The following PLPPR1 variants were observed in gnomAD, a reference collection of about 807,000 sequenced individuals.
PLPPR1 encodes phospholipid phosphatase-related protein type 1.
In PLPPR1, 10 loss-of-function variants were observed where a neutral mutation model predicts 33.1. The ratio of observed to expected loss-of-function variants is 0.30; its 90% CI spans 0.19 to 0.51. PLPPR1 has a LOEUF of 0.51. Ranked by LOEUF, PLPPR1 falls within the 20% of genes least tolerant of loss-of-function variation. The pLI, the probability that PLPPR1 is intolerant of heterozygous loss-of-function variation, is 0.97. For missense variants in PLPPR1, 304 were observed against 408.1 expected (o/e 0.74, Z 2.20); for synonymous variants, 151 against 151.0 (o/e 1.00, Z 0.00).
chr9:101,111,513 T>C (rs1322988847), intron 1 of PLPPR1, among the ~76,000 whole-genome samples: 3 of 152,340 alleles, frequency 2.0e-5, no homozygotes, highest in East Asian at 1.9e-4. Flanking sequence ...ATTTGGGGGA[T>C]AGTATTTTCC....
chr9:101,090,611 T>C (rs1226950328), intron 1 of PLPPR1, among the ~76,000 whole-genome samples: 1 of 152,036 alleles, frequency 6.6e-6, no homozygotes, highest in Non-Finnish European at 1.5e-5. Context: ...TTAACTGCTA[T>C]AACCTCTTCA....
intron 2 of PLPPR1, among the ~76,000 whole-genome samples, chr9:101,186,421 T>C (rs756392914): frequency 4.0e-5 from 6 of 151,804 alleles, no homozygotes; most frequent in Non-Finnish European, 7.4e-5. Context: ...AACTGAAGGA[T>C]AGTCTCCACA....
At chr9:101,159,473 G>A (rs1048504263) in intron 1 of PLPPR1, among the ~76,000 whole-genome samples, 3 of 152,158 alleles carry the variant, frequency 2.0e-5, no homozygotes, top group Admixed American at 6.6e-5. Context: ...AAATATCAAA[G>A]AAATGATTGA....
At chr9:101,073,769 A>G (rs1057363913) in intron 1 of PLPPR1, among the ~76,000 whole-genome samples, 5 of 152,264 alleles carry the variant, frequency 3.3e-5, no homozygotes, top group African/African-American at 1.2e-4. Flanking sequence ...AGATCGATCT[A>G]TTTCACTTAC....
chr9:101,309,670 T>C (rs1272018937), intron 5 of PLPPR1, among the ~76,000 whole-genome samples: 2 of 152,178 alleles, frequency 1.3e-5, no homozygotes, highest in Non-Finnish European at 2.9e-5. Context: ...AGGATATTAG[T>C]TCTGGAATGT....
chr9:101,112,830 C>T (rs984152669), intron 1 of PLPPR1, among the ~76,000 whole-genome samples: 2 of 152,196 alleles, frequency 1.3e-5, no homozygotes, highest in Non-Finnish European at 2.9e-5. Context: ...GCAGCACTTG[C>T]TTGTTTGTTT....
At chr9:101,133,895 T>G (rs555139260) in intron 1 of PLPPR1, among the ~76,000 whole-genome samples, 1 of 152,338 alleles carries the variant, frequency 6.6e-6, no homozygotes, top group South Asian at 2.1e-4. Flanking sequence ...TTTGGCAAGT[T>G]GCTTAACCTT....
chr9:101,293,865 T>G (rs1376247387), intron 4 of PLPPR1, among the ~76,000 whole-genome samples: 1 of 150,986 alleles, frequency 6.6e-6, no homozygotes. Flanking sequence ...AGATCCAAAA[T>G]TGACACCCTA....
chr9:101,028,781 C>T lies in PLPPR1; in HGVS notation c.-367C>T, dbSNP rs887561203. On this transcript the variant is annotated 5_prime_UTR_variant, in exon 1 of 8. Coordinates refer to ENST00000374874, the MANE Select transcript of PLPPR1 (RefSeq NM_207299.2). ...AACAGGAGATCCTGAAACCTGGACCCTGTGCAAGCTGCAGCGCCAGGAGGA... is the reference window on the plus strand; with the variant it reads ...AACAGGAGATCCTGAAACCTGGACCTTGTGCAAGCTGCAGCGCCAGGAGGA... The T allele has an allele frequency of 2.9e-4, 44 of 152,392 alleles. No individual in the cohort carries two copies. The highest frequency in any genetic ancestry group is 1.0e-3 in the African/African-American group (42 of 41,582). The allele number at this position is 152,392 out of a possible 1,614,324, so 9.4% of individuals were successfully genotyped here.
intron 1 of PLPPR1, among the ~76,000 whole-genome samples, chr9:101,141,755 G>A (rs1403755511): frequency 6.6e-6 from 1 of 152,034 alleles, no homozygotes; most frequent in East Asian, 1.9e-4. Context: ...AACTGAGATT[G>A]GAAAACTGCA....
intron 4 of PLPPR1, among the ~76,000 whole-genome samples, chr9:101,303,543 C>T (rs532935681): frequency 5.3e-5 from 8 of 152,216 alleles, no homozygotes; most frequent in African/African-American, 1.4e-4. Flanking sequence ...TCAGGTGATC[C>T]GCCTGCCTCG....
intron 1 of PLPPR1, among the ~76,000 whole-genome samples, chr9:101,056,482 T>C (rs1413941693): frequency 6.6e-6 from 1 of 152,222 alleles, no homozygotes; most frequent in Non-Finnish European, 1.5e-5. Context: ...TGATGTAGGC[T>C]ATCACAGATT....
chr9:101,071,130 G>T (rs1830477966), intron 1 of PLPPR1, among the ~76,000 whole-genome samples: 2 of 152,116 alleles, frequency 1.3e-5, no homozygotes, highest in Non-Finnish European at 2.9e-5. Flanking sequence ...GGCCAGTTTG[G>T]TGACAATGTC....
chr9:101,120,504 T>C (rs888434393), intron 1 of PLPPR1, among the ~76,000 whole-genome samples: 1 of 152,256 alleles, frequency 6.6e-6, no homozygotes, highest in Non-Finnish European at 1.5e-5. Context: ...GGCATCTTTT[T>C]CAATGACTTA....
chr9:101,074,877 T>G (rs1830518387), intron 1 of PLPPR1, among the ~76,000 whole-genome samples: 1 of 152,174 alleles, frequency 6.6e-6, no homozygotes. Flanking sequence ...GAAGTGTCAT[T>G]AAAACAACCC....
chr9:101,301,003 A>G (rs1442579265), intron 4 of PLPPR1, among the ~76,000 whole-genome samples: 1 of 152,262 alleles, frequency 6.6e-6, no homozygotes, highest in Non-Finnish European at 1.5e-5. Flanking sequence ...TTCTTGAGAT[A>G]AAATCCTGTT....
intron 1 of PLPPR1, among the ~76,000 whole-genome samples, chr9:101,070,596 C>T (rs1830471686): frequency 6.6e-6 from 1 of 152,066 alleles, no homozygotes; most frequent in South Asian, 2.1e-4. Flanking sequence ...CCTCTGTCTG[C>T]CTGGTTCATA....
chr9:101,242,061 C>G (rs1249449010), intron 2 of PLPPR1, among the ~76,000 whole-genome samples: 1 of 151,962 alleles, frequency 6.6e-6, no homozygotes, highest in Non-Finnish European at 1.5e-5. Context: ...CAAAATGGTT[C>G]AGAAGTCATT....
At chr9:101,145,965 A>G (rs901990644) in intron 1 of PLPPR1, among the ~76,000 whole-genome samples, 13 of 152,096 alleles carry the variant, frequency 8.5e-5, no homozygotes, top group African/African-American at 3.1e-4. Flanking sequence ...GTATTGAGCC[A>G]TGATGGCACC....
Sources: allele counts gnomAD v4.1 joint callset (sites outside exome capture counted in the v4.1 genomes callset), GRCh38; gene constraint gnomAD v4.1.1; transcripts MANE v1.5; gene names NCBI Gene and HGNC (gene_info 2026-07-23, HGNC 2026-07-21).